The following MYO16 variants were observed in gnomAD, a reference collection of about 807,000 sequenced individuals.
MYO16 encodes the protein unconventional myosin-XVI.
MYO16 carries 94 observed loss-of-function variants against 205.3 expected under a neutral mutation model. That is an observed-to-expected ratio of 0.46 (90% CI 0.39 to 0.54). MYO16 has a LOEUF of 0.54. Among genes scored for constraint, MYO16 ranks in the 20% least tolerant of loss-of-function variants. The pLI is 0.00. For missense variants in MYO16, 2,315 were observed against 2,387.5 expected (o/e 0.97, Z 0.63); for synonymous variants, 988 against 954.0 (o/e 1.04, Z -0.66).
chr13:108,897,419 C>T (rs914582474), intron 14 of MYO16, among the ~76,000 whole-genome samples: 1 of 152,140 alleles, frequency 6.6e-6, no homozygotes, highest in African/African-American at 2.4e-5. Flanking sequence ...CACAGGGCAG[C>T]GAGAGAAGGC....
chr13:108,904,904 T>G (rs1880887928), intron 15 of MYO16, among the ~76,000 whole-genome samples: 1 of 152,210 alleles, frequency 6.6e-6, no homozygotes, highest in South Asian at 2.1e-4. Context: ...CACTTTAGAG[T>G]GTACGCAGTT....
chr13:108,829,132 CTG>C (rs1876458903), intron 9 of MYO16, among the ~76,000 whole-genome samples: 1 of 152,178 alleles, frequency 6.6e-6, no homozygotes, highest in Admixed American at 6.5e-5. Flanking sequence ...TTGATGAGGA[CTG>C]TGCCCTTAAC....
Position 108,719,949 on chromosome 13 carries a change from G to C in MYO16, c.363+7218G>C, listed in dbSNP as rs867584852. 2.6e-5 allele frequency among the ~76,000 whole-genome samples: 4 copies of C among 152,250 alleles called. No individual in the cohort carries two copies. In the Middle Eastern group the frequency reaches 0.01, roughly 388 times the overall value. On this transcript the variant is annotated intron_variant, in intron 3 of 34. Coordinates refer to ENST00000457511, the MANE Select transcript of MYO16 (RefSeq NM_001198950.3). ...GCAAACCAGTGCTGCTGATGAAGGA[G>C]ATTGGTTTACATTCACCCAAAAGGA...
chr13:108,751,267 A>T (rs6492145), intron 4 of MYO16, among the ~76,000 whole-genome samples: 69,979 of 151,566 alleles, frequency 0.46, 16,205 homozygotes, highest in East Asian at 0.55. Context: ...ATTTACAAGA[A>T]AAGCCTGCAT....
chr13:108,764,218 A>G (rs1016594055), intron 4 of MYO16, among the ~76,000 whole-genome samples: 4 of 152,216 alleles, frequency 2.6e-5, no homozygotes, highest in African/African-American at 9.7e-5. Flanking sequence ...ACATTATAAT[A>G]GGAAAAGAAT....
chr13:109,096,304 A>G (rs1213451690), intron 27 of MYO16, among the ~76,000 whole-genome samples: 3 of 152,146 alleles, frequency 2.0e-5, no homozygotes, highest in Non-Finnish European at 4.4e-5. Flanking sequence ...CTCTGCCTGC[A>G]TCACGTGGCC....
At chr13:109,205,375 T>G (rs529786401) in intron 34 of MYO16, among the ~76,000 whole-genome samples, 2 of 152,326 alleles carry the variant, frequency 1.3e-5, no homozygotes, top group Admixed American at 1.3e-4. Context: ...GAACACTCAC[T>G]CCCTTTGCTG....
At chr13:108,829,432 G>A (rs1384041462) in intron 9 of MYO16, among the ~76,000 whole-genome samples, 5 of 152,292 alleles carry the variant, frequency 3.3e-5, no homozygotes, top group East Asian at 1.9e-4. Context: ...TAGGCCTTCC[G>A]CTGGGTGCTT....
chr13:108,551,542 C>CT, the MYO16 span, among the ~76,000 whole-genome samples: 1 of 152,178 alleles, frequency 6.6e-6, no homozygotes, highest in African/African-American at 2.4e-5. Context: ...GCAGTCCTAT[C>CT]TTAACTGTCC....
In MYO16 at chr13:109,087,594, C is replaced by T. The variant is rs142608739; in HGVS notation, c.3336-13191C>T. Among the ~76,000 whole-genome samples, 1,301 of 152,222 alleles carry T rather than the reference C, an allele frequency of 8.5e-3. 21 individuals carry two copies. Among genetic ancestry groups the T allele is most frequent in the African/African-American group, 0.029 (1,200 of 41,542 alleles). On this transcript the variant is annotated intron_variant, in intron 27 of 34. Transcript: ENST00000457511. ...CCAGGAGGTGGAGGTTGCAGTGAGC[C>T]GAGATTGTGCCACTGCACTCCAGCC...
intron 1 of MYO16, among the ~76,000 whole-genome samples, chr13:108,603,990 G>A (rs1421334823): frequency 6.6e-6 from 1 of 152,030 alleles, no homozygotes; most frequent in Non-Finnish European, 1.5e-5. Flanking sequence ...GGCTAGGGAG[G>A]CCTCAGGAAA....
chr13:109,046,011 G>GCCCTCCCTCATGGCGGATGCTCA (rs1566479216), intron 23 of MYO16, among the ~76,000 whole-genome samples: 67 of 151,146 alleles, frequency 4.4e-4, no homozygotes, highest in African/African-American at 1.5e-3. Flanking sequence ...GCGGATGCTC[G>GCCCTCCCTCATGGCGGATGCTCA]CCCTCCCTCA....
At chr13:109,035,590 A>G (rs565149034) in intron 23 of MYO16, among the ~76,000 whole-genome samples, 1 of 152,344 alleles carries the variant, frequency 6.6e-6, no homozygotes, top group Non-Finnish European at 1.5e-5. Context: ...AGGCTGAGGC[A>G]GGAGAATCGC....
At chr13:108,944,772 G>A (rs1413442033) in intron 16 of MYO16, among the ~76,000 whole-genome samples, 1 of 152,118 alleles carries the variant, frequency 6.6e-6, no homozygotes, top group Non-Finnish European at 1.5e-5. Context: ...CAGAGATGAA[G>A]CACCTGAGTT....
chr13:108,939,177 G>T (rs1452813048), intron 16 of MYO16, among the ~76,000 whole-genome samples: 1 of 152,200 alleles, frequency 6.6e-6, no homozygotes, highest in Non-Finnish European at 1.5e-5. Flanking sequence ...ATTAAAAACG[G>T]CATCCTGTTC....
chr13:109,204,531 G>A (rs144184131), intron 34 of MYO16, among the ~76,000 whole-genome samples: 95 of 152,308 alleles, frequency 6.2e-4, no homozygotes, highest in South Asian at 3.1e-3. Flanking sequence ...AAAAAGAAGG[G>A]AAGAGGAACA....
At chr13:108,782,965 C>T (rs1402434832) in intron 4 of MYO16, among the ~76,000 whole-genome samples, 1 of 152,202 alleles carries the variant, frequency 6.6e-6, no homozygotes, top group Non-Finnish European at 1.5e-5. Flanking sequence ...CATGGAGAAC[C>T]TCTACAGCAG....
chr13:108,605,923 G>A (rs1878941333), intron 1 of MYO16, among the ~76,000 whole-genome samples: 1 of 152,172 alleles, frequency 6.6e-6, no homozygotes, highest in African/African-American at 2.4e-5. Context: ...TAGCTGAATT[G>A]TTCTGACCAA....
intron 5 of MYO16, among the ~76,000 whole-genome samples, chr13:108,789,196 A>T: frequency 6.6e-6 from 1 of 152,124 alleles, no homozygotes; most frequent in Non-Finnish European, 1.5e-5. Context: ...ATATTTTCCC[A>T]TTATCACCAG....
Sources: gnomAD v4.1 joint callset for allele counts (sites outside exome capture counted in the v4.1 genomes callset) on GRCh38, gnomAD v4.1.1 for gene constraint, MANE v1.5 for transcripts, NCBI Gene and HGNC (gene_info 2026-07-23, HGNC 2026-07-21) for gene names.